The following RPN1 variants were observed in gnomAD, a reference collection of about 807,000 sequenced individuals.
The protein encoded by RPN1 is dolichyl-diphosphooligosaccharide--protein glycosyltransferase subunit 1.
In RPN1, 12 loss-of-function variants were observed where a neutral mutation model predicts 55.5. The ratio of observed to expected loss-of-function variants is 0.22; its 90% CI spans 0.14 to 0.35. The LOEUF (loss-of-function observed/expected upper bound fraction) is 0.35. RPN1 is among the 10% of genes least tolerant of loss of function. The pLI is 1.00. For missense variants in RPN1, 679 were observed against 761.3 expected (o/e 0.89, Z 1.27); for synonymous variants, 317 against 305.9 (o/e 1.04, Z -0.38).
intron 2 of RPN1, chr3:128,642,292 C>T (rs1384722645): frequency 6.6e-6 from 1 of 152,152 alleles, no homozygotes; most frequent in Non-Finnish European, 1.5e-5. Context: ...GAGATAATCA[C>T]CACGCATTAA....
chr3:128,622,302 A>G lies in RPN1; in HGVS notation c.1503T>C (p.Asn501=), dbSNP rs2069566055. Residue 501 remains asparagine, a synonymous_variant, in exon 9 of 10, where the codon AAT becomes AAC. Transcript: ENST00000296255. ...GLYRHFDETV[N]RYKQSRDIST... ...AGATGTCCCGGGATTGCTTGTACCT[A>G]TTGACGGTCTCGTCAAAGTGACGGT... is the stretch of plus-strand genomic sequence containing the variant. 6.2e-7 allele frequency: 1 copy of G among 1,614,066 alleles called. No individual in the cohort carries two copies. The highest frequency in any genetic ancestry group is 1.7e-5 in the Admixed American group (1 of 60,004).
chr3:128,635,442 A>G (rs1454947630), intron 3 of RPN1, among the ~76,000 whole-genome samples: 2 of 151,628 alleles, frequency 1.3e-5, no homozygotes, highest in Admixed American at 6.6e-5. Flanking sequence ...ATGGGACTAG[A>G]GTTGAGTGCA....
chr3:128,630,922 G>A (rs1160894104), intron 4 of RPN1, among the ~76,000 whole-genome samples: 2 of 143,980 alleles, frequency 1.4e-5, no homozygotes, highest in African/African-American at 5.2e-5. Flanking sequence ...GACCATCCTG[G>A]CTAACATGGT....
chr3:128,620,540 C>T lies in RPN1; in HGVS notation c.1695G>A (p.Ser565=), dbSNP rs569563860. The stretch of plus-strand genomic sequence containing the variant: ...CCACCAGGCGCTCAGCCTCCACCGC[C>T]GACTTCAGCACCAGCTCCTTGACCT... ...DAQVKELVLK[S]AVEAERLVAG... is the part of the protein sequence containing the mutation. Residue 565 remains serine, a synonymous_variant, in exon 10 of 10, where the codon TCG becomes TCA. Transcript: ENST00000296255. 5 of 1,614,142 alleles carry T rather than the reference C, an allele frequency of 3.1e-6. No homozygotes were observed. The highest frequency in any genetic ancestry group is 4.5e-5 in the East Asian group (2 of 44,888).
Position 128,630,157 on chromosome 3 carries a change from G to C in RPN1, c.844-14C>G, listed in dbSNP as rs377258310. 2 of 1,586,690 alleles carry C rather than the reference G, an allele frequency of 1.3e-6. No homozygotes were observed. Among genetic ancestry groups the C allele is most frequent in the Non-Finnish European group, 1.7e-6 (2 of 1,161,068 alleles). ...AGGAAGGATGGTCTGCAAGAGAGTG[G>C]ATATGCCCTTCTAAAACTCCAGGAA... On this transcript the variant is annotated splice_polypyrimidine_tract_variant and intron_variant, in intron 4 of 9. Coordinates refer to ENST00000296255, the MANE Select transcript of RPN1 (RefSeq NM_002950.4).
intron 3 of RPN1, among the ~76,000 whole-genome samples, chr3:128,633,741 T>C (rs2069657879): frequency 6.6e-6 from 1 of 152,056 alleles, no homozygotes; most frequent in Non-Finnish European, 1.5e-5. Context: ...CAGTGAAACT[T>C]TGGGAGGCCA....
At position 128,638,063 on chromosome 3, in the gene RPN1, A is replaced by C. The variant is rs748083790; in HGVS notation, c.369T>G (p.Pro123=). The C allele has an allele frequency of 4.3e-5, 70 of 1,613,962 alleles. No homozygotes were observed. The highest frequency in any genetic ancestry group is 3.3e-4 in the Middle Eastern group (2 of 6,084). The change falls in exon 3 of 10, where the codon CCT becomes CCG. Residue 123 remains proline (P), a synonymous_variant. Transcript: ENST00000296255. ...CCACAATGACTGAAATCTTGGCCCC[A>C]GGATCAAGAGCAACTGGGAGCTTGA... is the stretch of plus-strand genomic sequence containing the variant. ...FTVKLPVALD[P]GAKISVIVET... is the part of the protein sequence containing the mutation.
chr3:128,635,987 TATG>T (rs1285843468), intron 3 of RPN1, among the ~76,000 whole-genome samples: 1 of 152,118 alleles, frequency 6.6e-6, no homozygotes, highest in African/African-American at 2.4e-5. Flanking sequence ...ACTTGTTATA[TATG>T]ATTTTGTTAC....
At chr3:128,649,535 C>T (rs2069797787) in intron 1 of RPN1, among the ~76,000 whole-genome samples, 1 of 152,184 alleles carries the variant, frequency 6.6e-6, no homozygotes, top group Admixed American at 6.5e-5. Flanking sequence ...CTTTATAGCT[C>T]CATATTCAGT....
intron 3 of RPN1, among the ~76,000 whole-genome samples, chr3:128,637,371 C>A (rs17255991): frequency 6.6e-6 from 1 of 152,196 alleles, no homozygotes; most frequent in South Asian, 2.1e-4. Context: ...GGCATGTTTG[C>A]GATTTGCCAT....
chr3:128,628,135 T>TA (rs886606911), intron 5 of RPN1, among the ~76,000 whole-genome samples: 7 of 151,880 alleles, frequency 4.6e-5, no homozygotes, highest in Admixed American at 2.0e-4. Context: ...TGCATGCCTG[T>TA]AGTCCCAGCT....
chr3:128,643,483 G>C (rs1013510140), intron 2 of RPN1, among the ~76,000 whole-genome samples: 2 of 152,002 alleles, frequency 1.3e-5, no homozygotes, highest in African/African-American at 2.4e-5. Flanking sequence ...GGCCAACATG[G>C]GGAAACCCGT....
Position 128,620,255 on chromosome 3 carries a change from A to T in RPN1, c.*156T>A, listed in dbSNP as rs1030308268. On this transcript the variant is annotated 3_prime_UTR_variant, in exon 10 of 10. Transcript: ENST00000296255. ...AAAGTTAAGGACAAACGGCAAACTC[A>T]CACTGCCTGACGCAGGGCCTGGTTT... 1 of 470,726 alleles carries T rather than the reference A, an allele frequency of 2.1e-6. No individual in the cohort carries two copies. Among genetic ancestry groups the T allele is most frequent in the Non-Finnish European group, 3.5e-6 (1 of 284,166 alleles). The allele number at this position is 470,726 out of a possible 1,614,324, so 29.2% of individuals were successfully genotyped here.
chr3:128,645,326 T>C lies in RPN1; in HGVS notation c.262-343A>G, dbSNP rs557260393. 2.0e-5 allele frequency among the ~76,000 whole-genome samples: 3 copies of C among 151,894 alleles called. No homozygotes were observed. In the East Asian group the frequency reaches 5.8e-4, roughly 29 times the overall value. ...ATCTCTACTAAAAATACAAATTAGC[T>C]AGGCATGGTGGCACATGCCTGTAAT... is the stretch of plus-strand genomic sequence containing the variant. On this transcript the variant is annotated intron_variant, in intron 1 of 9. Transcript: ENST00000296255.
chr3:128,649,728 G>C (rs2069799949), intron 1 of RPN1, among the ~76,000 whole-genome samples: 1 of 152,144 alleles, frequency 6.6e-6, no homozygotes, highest in Non-Finnish European at 1.5e-5. Flanking sequence ...GAAATACCTG[G>C]AAACATTTAA....
intron 3 of RPN1, among the ~76,000 whole-genome samples, chr3:128,634,187 C>T (rs1262773516): frequency 2.6e-5 from 4 of 151,752 alleles, no homozygotes; most frequent in Non-Finnish European, 5.9e-5. Context: ...ATTAGCCAGG[C>T]ATGGTCGCAC....
At chr3:128,628,606 C>G (rs796138302) in intron 5 of RPN1, among the ~76,000 whole-genome samples, 3 of 126,370 alleles carry the variant, frequency 2.4e-5, no homozygotes, top group Non-Finnish European at 3.6e-5. Flanking sequence ...TGTAGAGACC[C>G]GTTTTCACCA....
In RPN1 at chr3:128,634,684, T is replaced by A. The variant is rs1004910712; in HGVS notation, c.634-2527A>T. 5.3e-5 allele frequency among the ~76,000 whole-genome samples: 8 copies of A among 151,688 alleles called. No individual in the cohort carries two copies. The East Asian group carries it at 1.6e-3, about 30-fold the overall frequency. On this transcript the variant is annotated intron_variant, in intron 3 of 9. Coordinates refer to ENST00000296255, the MANE Select transcript of RPN1 (RefSeq NM_002950.4). ...TTCAAGTGATTCTCCTGCCTCGGCCTCTCAAGTAGTTAGAATTACAGGTGC... is the reference window on the plus strand; with the variant it reads ...TTCAAGTGATTCTCCTGCCTCGGCCACTCAAGTAGTTAGAATTACAGGTGC...
At chr3:128,626,590 G>C (rs1234376850) in intron 6 of RPN1, 143 bp downstream of exon 6, 1 of 677,648 alleles carries the variant, frequency 1.5e-6, no homozygotes, top group Non-Finnish European at 2.6e-6. Flanking sequence ...ACTCAAGAGA[G>C]GCCAAGTAGA....
Sources: gnomAD v4.1 joint callset for allele counts (sites outside exome capture counted in the v4.1 genomes callset) on GRCh38, gnomAD v4.1.1 for gene constraint, MANE v1.5 for transcripts, NCBI Gene and HGNC (gene_info 2026-07-23, HGNC 2026-07-21) for gene names.